ZNF44: variants seen among roughly 807,000 people sequenced by gnomAD.
ZNF44 encodes the protein zinc finger protein 44, also known as gonadotropin inducible transcription repressor-2.
Under a neutral mutation model 11.7 loss-of-function variants are expected in ZNF44, and 9 were observed. The observed-to-expected ratio is 0.77, with a 90% CI of 0.46 to 1.35. The LOEUF is 1.35. Ranked by LOEUF, ZNF44 falls within the 40% of genes most tolerant of loss-of-function variation. ZNF44 has a pLI of 0.00. For synonymous variants in ZNF44, 224 were observed against 242.7 expected (o/e 0.92, Z 0.72); for missense variants, 696 against 743.1 (o/e 0.94, Z 0.74).
intron 1 of ZNF44, among the ~76,000 whole-genome samples, chr19:12,283,084 T>G (rs949329882): frequency 1.3e-5 from 2 of 152,206 alleles, no homozygotes; most frequent in African/African-American, 2.4e-5. Flanking sequence ...CTTCTCAAGT[T>G]GATCCTCAAA....
At chr19:12,251,687 AAAG>A (rs1917001620) in intron 5 of ZNF44, among the ~76,000 whole-genome samples, 1 of 152,184 alleles carries the variant, frequency 6.6e-6, no homozygotes, top group Non-Finnish European at 1.5e-5. Flanking sequence ...TAAAATGCCA[AAAG>A]AGCTCTTTCC....
chr19:12,274,823 C>A, intron 3 of ZNF44, 150 bp downstream of exon 3: 1 of 525,416 alleles, frequency 1.9e-6, no homozygotes. Context: ...ATTTATGTCA[C>A]ATTTAATAAT....
At chr19:12,242,212 TAAAAA>T (rs1242204071), upstream of ZNF44, among the ~76,000 whole-genome samples, 1 of 151,748 alleles carries the variant, frequency 6.6e-6, no homozygotes, top group East Asian at 1.9e-4. Context: ...TATTTGACCT[TAAAAA>T]AAATTAAAGG....
chr19:12,241,260 G>C (rs1178605278), upstream of ZNF44, among the ~76,000 whole-genome samples: 1 of 152,228 alleles, frequency 6.6e-6, no homozygotes. Flanking sequence ...ACCAGGGTTG[G>C]TGAGCATGCA....
Position 12,273,990 on chromosome 19 carries a change from T to C in ZNF44, c.265A>G (p.Asn89Asp). 1 of 1,614,090 alleles carries C rather than the reference T, an allele frequency of 6.2e-7. No homozygotes were observed. The highest frequency in any genetic ancestry group is 8.5e-7 in the Non-Finnish European group (1 of 1,179,976). Reference protein sequence around the residue: ...QCGETLSQIRNSIVNKNTPAR... With the variant: ...QCGETLSQIRDSIVNKNTPAR... ...GGAGTGTTCTTGTTTACAATACTAT[T>C]TCGAATCTGGCTTAAGGTTTCTCCA... Residue 89 changes from asparagine to aspartate, a missense_variant, in exon 4 of 4, where the codon AAT becomes GAT. Transcript: ENST00000355684.
chr19:12,263,152 C>G (rs1171316681), intron 5 of ZNF44, among the ~76,000 whole-genome samples: 1 of 151,516 alleles, frequency 6.6e-6, no homozygotes, highest in East Asian at 1.9e-4. Context: ...ATGGCGCAAT[C>G]TCCCGCTCAC....
At chr19:12,275,516 C>T (rs1286087539) in intron 2 of ZNF44, among the ~76,000 whole-genome samples, 1 of 151,898 alleles carries the variant, frequency 6.6e-6, no homozygotes, top group African/African-American at 2.4e-5. Flanking sequence ...GGCATGGTGG[C>T]GGGCGCCTGT....
chr19:12,265,301 G>C (rs1042218040), intron 5 of ZNF44, among the ~76,000 whole-genome samples: 3 of 152,012 alleles, frequency 2.0e-5, no homozygotes, highest in Non-Finnish European at 2.9e-5. Flanking sequence ...GGGAAGATCG[G>C]TTGAGATGGG....
upstream of ZNF44, among the ~76,000 whole-genome samples, chr19:12,238,293 C>T (rs948699935): frequency 4.6e-5 from 7 of 151,826 alleles, no homozygotes; most frequent in Admixed American, 1.3e-4. Context: ...AGTTTGAGAC[C>T]GCTCTGGCCA....
intron 1 of ZNF44, among the ~76,000 whole-genome samples, chr19:12,288,037 G>A (rs558792380): frequency 6.6e-6 from 1 of 152,164 alleles, no homozygotes; most frequent in East Asian, 1.9e-4. Context: ...TGCTGAACAC[G>A]AGCCAATTCT....
chr19:12,250,692 T>C (rs1916955766), intron 5 of ZNF44: 1 of 432,108 alleles, frequency 2.3e-6, no homozygotes, highest in African/African-American at 2.0e-5. Flanking sequence ...ACTCATCTTC[T>C]TCTTATACAT....
chr19:12,244,965 T>C (rs1189154409), downstream of ZNF44, among the ~76,000 whole-genome samples: 2 of 152,214 alleles, frequency 1.3e-5, no homozygotes, highest in Non-Finnish European at 2.9e-5. Flanking sequence ...TCATCCTTAT[T>C]ACAACTCTTT....
At chr19:12,252,347 G>T (rs561281852) in intron 5 of ZNF44, among the ~76,000 whole-genome samples, 4 of 152,284 alleles carry the variant, frequency 2.6e-5, no homozygotes, top group Non-Finnish European at 5.9e-5. Context: ...TCCTTCAAAT[G>T]AGTCCGTAGT....
chr19:12,270,617 A>G (rs531126309), downstream of ZNF44, among the ~76,000 whole-genome samples: 93 of 152,068 alleles, frequency 6.1e-4, 1 homozygote, highest in South Asian at 0.014. Flanking sequence ...AGGCCCAGCT[A>G]ATTTTTGTAT....
At chr19:12,264,145 C>T (rs1163293241) in intron 5 of ZNF44, among the ~76,000 whole-genome samples, 1 of 151,300 alleles carries the variant, frequency 6.6e-6, no homozygotes, top group African/African-American at 2.4e-5. Flanking sequence ...AAGGAAACTA[C>T]AATTACAACC....
chr19:12,242,381 G>C (rs1479905154), upstream of ZNF44, among the ~76,000 whole-genome samples: 1 of 151,832 alleles, frequency 6.6e-6, no homozygotes, highest in African/African-American at 2.4e-5. Flanking sequence ...GTGGTGGTGG[G>C]CACCTGTAGT....
At chr19:12,258,331 CAAAAAAAAAA>C (rs145891891) in intron 5 of ZNF44, among the ~76,000 whole-genome samples, 13 of 41,008 alleles carry the variant, frequency 3.2e-4, no homozygotes, top group Non-Finnish European at 4.8e-4. Context: ...GATCTTGTCT[CAAAAAAAAAA>C]AAAAAAAAAA....
At chr19:12,294,651 C>T in intron 1 of ZNF44, 41 bp downstream of exon 1, 1 of 1,552,616 alleles carries the variant, frequency 6.4e-7, no homozygotes, top group Non-Finnish European at 8.7e-7. Flanking sequence ...TTCCGACCAG[C>T]CCTTCGCCCT....
chr19:12,255,134 C>CACA (rs1917193008), intron 5 of ZNF44, among the ~76,000 whole-genome samples: 2 of 143,736 alleles, frequency 1.4e-5, no homozygotes, highest in African/African-American at 5.4e-5. Flanking sequence ...ACACACACAC[C>CACA]CCTTTGTGGG....
Sources: gnomAD v4.1 joint callset for allele counts (sites outside exome capture counted in the v4.1 genomes callset) on GRCh38, gnomAD v4.1.1 for gene constraint, MANE v1.5 for transcripts, NCBI Gene and HGNC (gene_info 2026-07-23, HGNC 2026-07-21) for gene names.